The following PRSS38 variants were observed in gnomAD, a reference collection of about 807,000 sequenced individuals.
The protein encoded by PRSS38 is marapsin 2.
A neutral mutation model predicts 26.8 loss-of-function variants in PRSS38; 22 were observed. The observed-to-expected ratio is 0.82, with a 90% CI of 0.59 to 1.17. The LOEUF is 1.17. Ranked by LOEUF, PRSS38 falls within the 50% of genes most tolerant of loss-of-function variation. PRSS38 has a pLI of 0.00. For missense variants in PRSS38, 427 were observed against 422.7 expected, an observed-to-expected ratio of 1.01 and a Z score of -0.09; for synonymous variants, 175 against 172.1, an observed-to-expected ratio of 1.02 and a Z score of -0.13.
At position 227,845,612 on chromosome 1, in the gene PRSS38, G is replaced by A. The variant is rs766555364; in HGVS notation, c.726G>A (p.Glu242=). ...TCCTGAATGCTAAGACCGTGTGTGAGGTGTGCCCCTCCTGGTCCATGAGAC... is the reference window on the plus strand; with the variant it reads ...TCCTGAATGCTAAGACCGTGTGTGAAGTGTGCCCCTCCTGGTCCATGAGAC... The change falls in exon 4 of 5, where the codon GAG becomes GAA. Residue 242 remains glutamate (E), a splice_region_variant and synonymous_variant. Coordinates refer to ENST00000366757, the Ensembl canonical transcript of PRSS38. 1.1e-5 allele frequency: 18 copies of A among 1,612,694 alleles called. No individual in the cohort carries two copies. In the Admixed American group the frequency reaches 2.5e-4, roughly 22 times the overall value.
At chr1:227,818,697 A>C (rs981134624) in intron 3 of PRSS38, among the ~76,000 whole-genome samples, 1 of 151,796 alleles carries the variant, frequency 6.6e-6, no homozygotes, top group Admixed American at 6.6e-5. Flanking sequence ...AAAAAAAAAA[A>C]AACGTATTTA....
chr1:227,816,381 C>T lies in PRSS38; in HGVS notation c.311+129C>T, dbSNP rs571830705. 3.7e-3 allele frequency: 3,659 copies of T among 992,562 alleles called. 25 individuals are homozygous for T. Among genetic ancestry groups the T allele is most frequent in the South Asian group, 0.019 (1,183 of 62,344 alleles). The allele number at this position is 992,562 out of a possible 1,614,324, so 61.5% of individuals were successfully genotyped here. A position where few individuals can be genotyped will look rare whatever the true frequency, so the allele number is the denominator to read the frequency against. ...GACTCCCTTCACCACTGTCGACCCG[C>T]GCAAGGCCAGGTCCCCACCAGTGAG... On this transcript the variant is annotated intron_variant, in intron 2 of 4. Transcript: ENST00000366757. This position sits in a 1 kb window ranked among gnomAD's most constrained non-coding sequence, Gnocchi z 5.1.
chr1:227,823,117 CA>C (rs199977073), intron 3 of PRSS38, among the ~76,000 whole-genome samples: 2,046 of 152,130 alleles, frequency 0.013, 19 homozygotes, highest in South Asian at 0.026. Context: ...GCTGAGTCTC[CA>C]ATGCATATTA....
intron 3 of PRSS38, among the ~76,000 whole-genome samples, chr1:227,833,150 GC>G (rs771886411): frequency 2.6e-5 from 4 of 152,058 alleles, no homozygotes; most frequent in Non-Finnish European, 5.9e-5. Context: ...AGATACCAAT[GC>G]CCCTTTTTGC....
chr1:227,846,123 C>T, exon 5 of PRSS38: 2 of 1,614,120 alleles, frequency 1.2e-6, no homozygotes, highest in East Asian at 4.5e-5. Flanking sequence ...CCCACTCCTG[C>T]TCAGCCAGCC....
intron 3 of PRSS38, among the ~76,000 whole-genome samples, chr1:227,831,336 G>T (rs1665150188): frequency 6.6e-6 from 1 of 151,868 alleles, no homozygotes; most frequent in African/African-American, 2.4e-5. Context: ...TCTTCCCATT[G>T]TTAATTTTAA....
intron 3 of PRSS38, among the ~76,000 whole-genome samples, chr1:227,843,988 A>G (rs1189662240): frequency 1.3e-5 from 2 of 152,330 alleles, no homozygotes; most frequent in East Asian, 3.9e-4. Context: ...ACCCTGTCTC[A>G]AAACAACAGT....
At chr1:227,840,850 T>C (rs1665326930) in intron 3 of PRSS38, among the ~76,000 whole-genome samples, 1 of 152,138 alleles carries the variant, frequency 6.6e-6, no homozygotes, top group Non-Finnish European at 1.5e-5. Context: ...ACCTTCCATG[T>C]CTCCATCAGC....
chr1:227,846,313 A>C, exon 5 of PRSS38: 1 of 1,410,796 alleles, frequency 7.1e-7, no homozygotes, highest in African/African-American at 1.4e-5. Context: ...TGAAGCAGAC[A>C]AGGGCCACCT....
intron 3 of PRSS38, among the ~76,000 whole-genome samples, chr1:227,839,015 G>C (rs1428449984): frequency 6.6e-6 from 1 of 152,124 alleles, no homozygotes; most frequent in African/African-American, 2.4e-5. Flanking sequence ...CAAGGAATAA[G>C]TGTTCTGGCA....
At chr1:227,824,247 G>T (rs1226583588) in intron 3 of PRSS38, among the ~76,000 whole-genome samples, 1 of 152,064 alleles carries the variant, frequency 6.6e-6, no homozygotes, top group Non-Finnish European at 1.5e-5. Context: ...AGGCCCCAGT[G>T]TGTGTTGTTT....
intron 3 of PRSS38, among the ~76,000 whole-genome samples, chr1:227,823,695 A>C (rs1040914597): frequency 3.9e-5 from 6 of 152,196 alleles, no homozygotes; most frequent in African/African-American, 1.4e-4. Flanking sequence ...GCATCATATG[A>C]CATGCCTGCT....
intron 3 of PRSS38, among the ~76,000 whole-genome samples, chr1:227,838,923 G>T (rs1488751405): frequency 6.6e-6 from 1 of 152,142 alleles, no homozygotes; most frequent in Admixed American, 6.5e-5. Context: ...GGGCTCAAGT[G>T]ATCCACCTGC....
At chr1:227,829,393 C>T (rs756610349) in intron 3 of PRSS38, among the ~76,000 whole-genome samples, 14 of 152,076 alleles carry the variant, frequency 9.2e-5, no homozygotes, top group Non-Finnish European at 1.5e-4. Flanking sequence ...TGATATTGAG[C>T]ATTTTTTCAT....
chr1:227,841,426 A>T (rs2102685382), intron 3 of PRSS38, among the ~76,000 whole-genome samples: 1 of 152,380 alleles, frequency 6.6e-6, no homozygotes. Flanking sequence ...ACCGCAAGAC[A>T]TATGGCAGAG....
intron 3 of PRSS38, among the ~76,000 whole-genome samples, chr1:227,832,859 C>T (rs1412944426): frequency 1.3e-5 from 2 of 152,154 alleles, no homozygotes; most frequent in African/African-American, 4.8e-5. Flanking sequence ...TCAACACACA[C>T]AAAAAAAGTT....
rs1024607842 is a variant in PRSS38 at position 227,816,316 on chromosome 1, T to C, written c.311+64T>C. On this transcript the variant is annotated intron_variant, in intron 2 of 4. Transcript: ENST00000366757. This position sits in a 1 kb window ranked among gnomAD's most constrained non-coding sequence, Gnocchi z 5.1. ...GCCTGCACGGAGTGCCCACAGCGGC[T>C]TGGATGGACCCCACGCAAGCCTCCC... 12 of 1,524,106 alleles carry C rather than the reference T, an allele frequency of 7.9e-6. No homozygotes were observed. Among genetic ancestry groups the C allele is most frequent in the Non-Finnish European group, 1.1e-5 (12 of 1,116,836 alleles). The allele number at this position is 1,524,106 out of a possible 1,614,324, so 94.4% of individuals were successfully genotyped here.
chr1:227,838,455 G>A (rs773657665), intron 3 of PRSS38, among the ~76,000 whole-genome samples: 18 of 152,150 alleles, frequency 1.2e-4, no homozygotes, highest in African/African-American at 1.9e-4. Flanking sequence ...CAGCATGGGC[G>A]CTCTGGAGCC....
chr1:227,845,389 T>C, intron 3 of PRSS38, 81 bp from the exon 4 acceptor site: 2 of 957,858 alleles, frequency 2.1e-6, no homozygotes, highest in African/African-American at 1.6e-5. Flanking sequence ...GGCTATCCCC[T>C]TGGTGTCCAC....
Sources: allele counts gnomAD v4.1 joint callset (sites outside exome capture counted in the v4.1 genomes callset), GRCh38; gene constraint gnomAD v4.1.1; non-coding constraint Gnocchi (gnomAD v3.1); transcripts MANE v1.5; gene names NCBI Gene and HGNC (gene_info 2026-07-23, HGNC 2026-07-21).